SLC9A8: variants seen among roughly 807,000 people sequenced by gnomAD.
SLC9A8 encodes solute carrier family 9 member A8.
In SLC9A8, 48 loss-of-function variants were observed where a neutral mutation model predicts 66.6. The ratio of observed to expected loss-of-function variants is 0.72; its 90% CI spans 0.57 to 0.92. SLC9A8 has a LOEUF of 0.92. Among genes scored for constraint, SLC9A8 ranks in the 40% least tolerant of loss-of-function variants. The pLI, the probability that SLC9A8 is intolerant of heterozygous loss-of-function variation, is 0.00. For missense variants in SLC9A8, 599 were observed against 747.3 expected, an observed-to-expected ratio of 0.80 and a Z score of 2.31; for synonymous variants, 274 against 282.6, an observed-to-expected ratio of 0.97 and a Z score of 0.31.
In SLC9A8 at chr20:49,884,035, A is replaced by C; in HGVS notation, c.1460A>C (p.Lys487Thr). The C allele has an allele frequency of 6.2e-7, 1 of 1,613,718 alleles. No homozygotes were observed. Among genetic ancestry groups the C allele is most frequent in the Non-Finnish European group, 8.5e-7 (1 of 1,180,004 alleles). ...GCCAAGGCACACCGCAGGAACAAGA[A>C]GGACGTCAACCTCAGCAAGACTGAG... ...EDAKAHRRNK[K>T]DVNLSKTEKM... The change falls in exon 14 of 16, where the codon AAG becomes ACG. Residue 487 changes from lysine (K) to threonine (T), a missense_variant. By Grantham distance (78) the Lys-to-Thr change is moderately conservative. This residue lies in a region of SLC9A8 where 467 missense variants were observed against 626.5 expected (regional missense o/e 0.75). Coordinates refer to ENST00000361573, the MANE Select transcript of SLC9A8 (RefSeq NM_015266.3).
chr20:49,863,224 A>T (rs941873044), intron 9 of SLC9A8, among the ~76,000 whole-genome samples, 157 bp downstream of exon 9: 1 of 152,196 alleles, frequency 6.6e-6, no homozygotes, highest in Non-Finnish European at 1.5e-5. Flanking sequence ...GAAACACTCT[A>T]ACTCAAGGAT....
At chr20:49,819,397 A>G (rs2086659845) in intron 2 of SLC9A8, among the ~76,000 whole-genome samples, 2 of 152,206 alleles carry the variant, frequency 1.3e-5, no homozygotes, top group Non-Finnish European at 2.9e-5. Flanking sequence ...TCGTAAGTAC[A>G]TGCAGAAACA....
intron 3 of SLC9A8, among the ~76,000 whole-genome samples, chr20:49,837,731 T>C (rs2146551054): frequency 6.6e-6 from 1 of 152,180 alleles, no homozygotes; most frequent in African/African-American, 2.4e-5. Flanking sequence ...CATGCCCGGC[T>C]AATTTTTGTA....
rs2146484008 is a variant in SLC9A8, at chr20:49,826,521, A to G, written c.289+3380A>G. Among the ~76,000 whole-genome samples, 2 of 152,326 alleles carry G rather than the reference A, an allele frequency of 1.3e-5. 1 individual carries two copies. Among genetic ancestry groups the G allele is most frequent in the South Asian group, 4.1e-4 (2 of 4,826 alleles). On this transcript the variant is annotated intron_variant, in intron 3 of 15. Transcript: ENST00000361573. ...GTTAGGTGTTCAGCATTCCTAAGAA[A>G]TTCTCAGTATAGAAAAGGACCATCT...
At chr20:49,881,068 A>G in intron 13 of SLC9A8, 33 bp downstream of exon 13, 7 of 1,490,604 alleles carry the variant, frequency 4.7e-6, no homozygotes, top group Non-Finnish European at 6.6e-6. Flanking sequence ...GGGGTGGGGA[A>G]GTACCTGTTA....
chr20:49,877,197 G>A (rs1231427353), intron 11 of SLC9A8, among the ~76,000 whole-genome samples: 1 of 151,910 alleles, frequency 6.6e-6, no homozygotes, highest in African/African-American at 2.4e-5. Flanking sequence ...GGGAGGCTGA[G>A]GCAGGAGAAT....
intron 12 of SLC9A8, among the ~76,000 whole-genome samples, chr20:49,878,554 A>G (rs899971611): frequency 3.3e-5 from 5 of 152,078 alleles, no homozygotes; most frequent in African/African-American, 1.2e-4. Flanking sequence ...AGTTTTCTTC[A>G]AATTTGTCTA....
At chr20:49,882,225 C>T (rs992053819) in intron 13 of SLC9A8, among the ~76,000 whole-genome samples, 3 of 152,242 alleles carry the variant, frequency 2.0e-5, no homozygotes, top group Admixed American at 6.5e-5. Flanking sequence ...GCGAGTGAGC[C>T]GTGCTCGCTC....
intron 1 of SLC9A8, 74 bp from the exon 2 acceptor site, chr20:49,814,934 T>A: frequency 8.2e-7 from 1 of 1,217,628 alleles, no homozygotes; most frequent in Non-Finnish European, 1.1e-6. Flanking sequence ...AGCTTCTCTT[T>A]CTGGTGTGAG....
intron 3 of SLC9A8, among the ~76,000 whole-genome samples, chr20:49,831,361 C>T (rs2087179233): frequency 6.6e-6 from 1 of 152,114 alleles, no homozygotes; most frequent in African/African-American, 2.4e-5. Context: ...TGCACGCACA[C>T]ACACGAGGAG....
intron 11 of SLC9A8, 50 bp from the exon 12 acceptor site, chr20:49,877,931 T>C: frequency 7.8e-7 from 1 of 1,287,712 alleles, no homozygotes; most frequent in Non-Finnish European, 1.1e-6. Context: ...TAGTACCATA[T>C]TGGAATGAAA....
chr20:49,834,729 C>G (rs1424001206), intron 3 of SLC9A8, among the ~76,000 whole-genome samples: 1 of 151,896 alleles, frequency 6.6e-6, no homozygotes, highest in African/African-American at 2.4e-5. Flanking sequence ...TAAAAAGACG[C>G]AGGCTTGGGC....
At chr20:49,814,909 A>G (rs1031411506) in intron 1 of SLC9A8, 99 bp from the exon 2 acceptor site, 1 of 998,976 alleles carries the variant, frequency 1.0e-6, no homozygotes, top group Non-Finnish European at 1.4e-6. Context: ...TCTGAATCCC[A>G]TAAAGTTCTT....
chr20:49,816,648 CAAAA>C (rs1338366355), intron 2 of SLC9A8, among the ~76,000 whole-genome samples: 1 of 151,916 alleles, frequency 6.6e-6, no homozygotes, highest in Non-Finnish European at 1.5e-5. Context: ...AACAAACAGA[CAAAA>C]AAGAAATCCA....
intron 13 of SLC9A8, among the ~76,000 whole-genome samples, chr20:49,882,571 C>T (rs546761196): frequency 2.6e-5 from 4 of 152,362 alleles, no homozygotes; most frequent in Admixed American, 2.6e-4. Context: ...GCCTTCACTT[C>T]CACCTAGTCC....
chr20:49,868,403 G>T (rs570066976), intron 10 of SLC9A8, among the ~76,000 whole-genome samples: 11 of 152,204 alleles, frequency 7.2e-5, no homozygotes, highest in Non-Finnish European at 1.3e-4. Flanking sequence ...AGAGGGGCAG[G>T]ATGGCCCTGT....
intron 5 of SLC9A8, among the ~76,000 whole-genome samples, chr20:49,846,146 T>G (rs2087980309): frequency 6.6e-6 from 1 of 152,198 alleles, no homozygotes; most frequent in South Asian, 2.1e-4. Flanking sequence ...TCCCCTAGTG[T>G]GAGTCTTTCT....
At chr20:49,828,166 C>T (rs1019336248) in intron 3 of SLC9A8, among the ~76,000 whole-genome samples, 5 of 150,336 alleles carry the variant, frequency 3.3e-5, no homozygotes, top group African/African-American at 7.4e-5. Flanking sequence ...CTGCAACCTC[C>T]GTCTCCCGGG....
chr20:49,851,739 G>A (rs1021097377), intron 7 of SLC9A8, among the ~76,000 whole-genome samples: 1 of 152,170 alleles, frequency 6.6e-6, no homozygotes, highest in Non-Finnish European at 1.5e-5. Context: ...CAATTTTGGA[G>A]CTTTTGTTGT....
Sources: gnomAD v4.1 joint callset for allele counts (sites outside exome capture counted in the v4.1 genomes callset) on GRCh38, gnomAD v4.1.1 for gene constraint, gnomAD v4.1.1 regional missense constraint, MANE v1.5 for transcripts, NCBI Gene and HGNC (gene_info 2026-07-23, HGNC 2026-07-21) for gene names.